LRRC4C: variants seen among roughly 807,000 people sequenced by gnomAD.
LRRC4C encodes the protein leucine rich repeat containing 4C, also known as leucine-rich repeat-containing protein 4C.
Under a neutral mutation model 33.6 loss-of-function variants are expected in LRRC4C, and 5 were observed. The ratio of observed to expected loss-of-function variants is 0.15; its 90% CI spans 0.08 to 0.31. LRRC4C has a LOEUF of 0.31. Among genes scored for constraint, LRRC4C ranks in the 10% least tolerant of loss-of-function variants. The pLI, the probability that LRRC4C is intolerant of heterozygous loss-of-function variation, is 1.00. For missense variants in LRRC4C, 560 were observed against 796.7 expected (o/e 0.70, Z 3.58); for synonymous variants, 329 against 302.0 (o/e 1.09, Z -0.93).
At chr11:40,354,185 T>C (rs12790236) in intron 3 of LRRC4C, among the ~76,000 whole-genome samples, 24,380 of 152,154 alleles carry the variant, frequency 0.16, 2,287 homozygotes, top group East Asian at 0.3. Flanking sequence ...GAGACTTTTG[T>C]TCTCTACCCT....
intron 2 of LRRC4C, among the ~76,000 whole-genome samples, chr11:40,742,695 A>C (rs1173943421): frequency 4.6e-5 from 7 of 152,012 alleles, no homozygotes; most frequent in Non-Finnish European, 8.8e-5. Context: ...TTCATATTTT[A>C]ATAATCTAGT....
intron 2 of LRRC4C, among the ~76,000 whole-genome samples, chr11:40,765,023 T>A (rs1027146913): frequency 6.6e-6 from 1 of 152,150 alleles, no homozygotes; most frequent in African/African-American, 2.4e-5. Context: ...TCTTCAGTGC[T>A]CAGATACTGA....
At chr11:40,652,218 G>A (rs1183568391) in intron 2 of LRRC4C, among the ~76,000 whole-genome samples, 1 of 152,100 alleles carries the variant, frequency 6.6e-6, no homozygotes, top group Non-Finnish European at 1.5e-5. Flanking sequence ...TCTTTAGTGA[G>A]GGTTGCCTTG....
At chr11:41,283,300 A>T (rs1949726297) in intron 1 of LRRC4C, among the ~76,000 whole-genome samples, 1 of 152,210 alleles carries the variant, frequency 6.6e-6, no homozygotes, top group African/African-American at 2.4e-5. Context: ...ATTCATCATA[A>T]CATCATTTAT....
chr11:40,232,209 T>G (rs1865252721), intron 5 of LRRC4C, among the ~76,000 whole-genome samples: 1 of 152,204 alleles, frequency 6.6e-6, no homozygotes, highest in Non-Finnish European at 1.5e-5. Context: ...TTTCGCCATG[T>G]TGGGCAGGCT....
intron 1 of LRRC4C, among the ~76,000 whole-genome samples, chr11:41,437,208 C>T (rs1044573517): frequency 2.0e-5 from 3 of 152,164 alleles, no homozygotes; most frequent in African/African-American, 7.2e-5. Flanking sequence ...TGAATTGATT[C>T]ACCTCTGAAA....
intron 1 of LRRC4C, among the ~76,000 whole-genome samples, chr11:41,268,714 A>T (rs552310900): frequency 1.8e-3 from 272 of 152,212 alleles, no homozygotes; most frequent in Non-Finnish European, 3.6e-3. Context: ...GTTAATAATA[A>T]CTAGTTCAGA....
chr11:40,649,137 A>G lies in LRRC4C; in HGVS notation c.-406-859T>C, dbSNP rs187448601. ...TGTATTGTCTTGATAAACATCTTAAACAACAGAAGACAGGGTTCAAGAGCA... is the reference window on the plus strand; with the variant it reads ...TGTATTGTCTTGATAAACATCTTAAGCAACAGAAGACAGGGTTCAAGAGCA... On this transcript the variant is annotated intron_variant, in intron 2 of 6. Transcript: ENST00000528697. 1.6e-3 allele frequency among the ~76,000 whole-genome samples: 248 copies of G among 152,316 alleles called. 2 individuals carry two copies. The highest frequency in any genetic ancestry group is 5.8e-3 in the African/African-American group (240 of 41,566).
At chr11:41,204,379 G>A (rs1174156573) in intron 1 of LRRC4C, among the ~76,000 whole-genome samples, 1 of 152,172 alleles carries the variant, frequency 6.6e-6, no homozygotes, top group Non-Finnish European at 1.5e-5. Flanking sequence ...TCTTGGGTGT[G>A]GTATGATTGT....
chr11:41,329,777 G>A (rs1951236278), intron 1 of LRRC4C, among the ~76,000 whole-genome samples: 1 of 152,128 alleles, frequency 6.6e-6, no homozygotes, highest in Admixed American at 6.5e-5. Context: ...TTGTCATAGT[G>A]ATGGCAGACT....
intron 1 of LRRC4C, among the ~76,000 whole-genome samples, chr11:41,138,168 G>A (rs1943347940): frequency 6.6e-6 from 1 of 152,192 alleles, no homozygotes; most frequent in Non-Finnish European, 1.5e-5. Flanking sequence ...AGATCCATAT[G>A]CTAGACACTA....
intron 3 of LRRC4C, among the ~76,000 whole-genome samples, chr11:40,513,358 G>A (rs1269498820): frequency 1.3e-5 from 2 of 152,092 alleles, no homozygotes; most frequent in Non-Finnish European, 2.9e-5. Context: ...AGCCTTCTTG[G>A]GGAAATGAAG....
chr11:41,123,256 GTTTTGTTTTTTTTTTT>G (rs753528376), intron 1 of LRRC4C, among the ~76,000 whole-genome samples: 20,569 of 106,620 alleles, frequency 0.19, 2,031 homozygotes, highest in East Asian at 0.37. Context: ...CCTGAGCTAT[GTTTTGTTTTTTTTTTT>G]TTTTTTTTTT....
intron 1 of LRRC4C, among the ~76,000 whole-genome samples, chr11:41,408,366 G>T (rs1045805982): frequency 2.0e-5 from 3 of 152,074 alleles, no homozygotes; most frequent in Non-Finnish European, 4.4e-5. Context: ...CCTTGAAGAA[G>T]TATGTTAGAA....
intron 1 of LRRC4C, among the ~76,000 whole-genome samples, chr11:40,948,539 C>T (rs559640155): frequency 7.6e-4 from 101 of 132,102 alleles, no homozygotes; most frequent in African/African-American, 2.8e-3. Flanking sequence ...CACAACAGTC[C>T]CCAGAGTGTG....
intron 1 of LRRC4C, among the ~76,000 whole-genome samples, chr11:41,449,491 T>C (rs547083134): frequency 1.3e-5 from 2 of 152,208 alleles, no homozygotes; most frequent in South Asian, 4.1e-4. Flanking sequence ...AATGTCCCTA[T>C]ATTCTGGCCC....
intron 3 of LRRC4C, among the ~76,000 whole-genome samples, chr11:40,495,826 T>TG: frequency 2.3e-5 from 1 of 44,092 alleles, no homozygotes; most frequent in Non-Finnish European, 4.6e-5. Context: ...TTTTTTTTTT[T>TG]TTTTTTTTTT....
chr11:40,692,645 T>C (rs1220318291), intron 2 of LRRC4C, among the ~76,000 whole-genome samples: 1 of 152,084 alleles, frequency 6.6e-6, no homozygotes, highest in Non-Finnish European at 1.5e-5. Context: ...TGAGATGATG[T>C]TGATTAGGTC....
intron 3 of LRRC4C, among the ~76,000 whole-genome samples, chr11:40,626,880 G>A (rs967816513): frequency 6.6e-6 from 1 of 152,078 alleles, no homozygotes; most frequent in Non-Finnish European, 1.5e-5. Context: ...CATCAGCATG[G>A]TGACACATTC....
Sources: allele counts gnomAD v4.1 joint callset (sites outside exome capture counted in the v4.1 genomes callset), GRCh38; gene constraint gnomAD v4.1.1; transcripts MANE v1.5; gene names NCBI Gene and HGNC (gene_info 2026-07-23, HGNC 2026-07-21).